The following ARHGAP39 variants were observed in gnomAD, a reference collection of about 807,000 sequenced individuals.
ARHGAP39 encodes the protein rho GTPase-activating protein 39.
In ARHGAP39, 44 loss-of-function variants were observed where a neutral mutation model predicts 106.9. The ratio of observed to expected loss-of-function variants is 0.41; its 90% CI spans 0.32 to 0.53. The LOEUF (loss-of-function observed/expected upper bound fraction) is 0.53, where lower values mean the gene tolerates loss of function less well. Among genes scored for constraint, ARHGAP39 ranks in the 20% least tolerant of loss-of-function variants. The probability of loss-of-function intolerance (pLI) is 0.21; values close to 1 mark genes in which losing one functional copy is unlikely to be tolerated. For missense variants in ARHGAP39, 1,496 were observed against 1,577.3 expected (o/e 0.95, Z 0.87); for synonymous variants, 768 against 693.2 (o/e 1.11, Z -1.69).
intron 1 of ARHGAP39, among the ~76,000 whole-genome samples, chr8:144,637,803 T>C (rs1297523853): frequency 6.6e-6 from 1 of 151,820 alleles, no homozygotes; most frequent in Admixed American, 6.6e-5. Context: ...TGGGCTCAAG[T>C]GACCCTCCTG....
At chr8:144,577,177 T>C (rs1818808171) in intron 3 of ARHGAP39, among the ~76,000 whole-genome samples, 1 of 152,192 alleles carries the variant, frequency 6.6e-6, no homozygotes, top group Non-Finnish European at 1.5e-5. Context: ...ATGAGATTGC[T>C]CACGTGGGTT....
intron 1 of ARHGAP39, among the ~76,000 whole-genome samples, chr8:144,658,811 T>C (rs1821757361): frequency 2.6e-5 from 4 of 152,166 alleles, no homozygotes; most frequent in Admixed American, 2.6e-4. Context: ...TAAAACTATA[T>C]TCATAGACAA....
chr8:144,602,823 T>G (rs1820093327), intron 2 of ARHGAP39, among the ~76,000 whole-genome samples: 1 of 132,308 alleles, frequency 7.6e-6, no homozygotes, highest in African/African-American at 2.9e-5. Flanking sequence ...TGTGTGCTCG[T>G]GTACCTGTGT....
At chr8:144,569,737 A>G (rs1818520541) in intron 3 of ARHGAP39, among the ~76,000 whole-genome samples, 1 of 152,244 alleles carries the variant, frequency 6.6e-6, no homozygotes, top group Non-Finnish European at 1.5e-5. Flanking sequence ...TACATACATC[A>G]AGACTTATCA....
chr8:144,563,357 T>A (rs1818275225), intron 3 of ARHGAP39, among the ~76,000 whole-genome samples: 1 of 152,184 alleles, frequency 6.6e-6, no homozygotes, highest in Admixed American at 6.5e-5. Flanking sequence ...TGATAAATAT[T>A]CTCACTTTCC....
Position 144,548,367 on chromosome 8 carries a change from A to T in ARHGAP39, c.719T>A (p.Val240Asp), listed in dbSNP as rs769846847. 1.3e-4 allele frequency: 214 copies of T among 1,608,144 alleles called. 1 individual carries two copies. Among genetic ancestry groups the T allele is most frequent in the Non-Finnish European group, 1.8e-4 (207 of 1,177,720 alleles). ...NGYAPDGPPG[V>D]RSRRPSGSQH... Reference sequence around the variant, plus strand: ...GCTGCCGGAGGGTCTGCGGGAGCGGACCCCAGGTGGGCCGTCTGGGGCGTA... The same window carrying T: ...GCTGCCGGAGGGTCTGCGGGAGCGGTCCCCAGGTGGGCCGTCTGGGGCGTA... Residue 240 changes from valine to aspartate, a missense_variant, in exon 5 of 12, where the codon GTC becomes GAC. Around this residue, in one of 4 missense-constraint regions of ARHGAP39, gnomAD observed 905 missense variants for 816.4 expected, o/e 1.11. Transcript: ENST00000377307. This position sits in a 1 kb window ranked among gnomAD's most constrained non-coding sequence, Gnocchi z 7.4.
chr8:144,546,640 G>A (rs1227369580), intron 5 of ARHGAP39, among the ~76,000 whole-genome samples: 4 of 152,224 alleles, frequency 2.6e-5, no homozygotes, highest in Admixed American at 2.0e-4. Flanking sequence ...CGTGCCAGAG[G>A]CCCCAGGCTG....
At chr8:144,656,194 G>GAAAAAAAAAA in intron 1 of ARHGAP39, among the ~76,000 whole-genome samples, 1 of 103,590 alleles carries the variant, frequency 9.7e-6, no homozygotes, top group African/African-American at 3.2e-5. Flanking sequence ...AGCAAATAAG[G>GAAAAAAAAAA]AAAAAAAAAA....
chr8:144,547,037 C>A lies in ARHGAP39; in HGVS notation c.1959+90G>T, dbSNP rs187175887. The A allele has an allele frequency of 1.4e-6, 2 of 1,418,032 alleles. No homozygotes were observed. The highest frequency in any genetic ancestry group is 2.5e-5 in the East Asian group (1 of 39,948). The allele number at this position is 1,418,032 out of a possible 1,614,324, so 87.8% of individuals were successfully genotyped here. ...CTGCGTGCTGCGTGCACGCCCTGGA[C>A]GCCAGGTCTCCTGTGCCTGGCCCAC... On this transcript the variant is annotated intron_variant, in intron 5 of 11. Coordinates refer to ENST00000377307, the MANE Select transcript of ARHGAP39 (RefSeq NM_025251.3). This position sits in a 1 kb window ranked among gnomAD's most constrained non-coding sequence, Gnocchi z 5.2.
chr8:144,660,637 C>T lies in ARHGAP39; in HGVS notation c.-82+25049G>A, dbSNP rs193199740. Among the ~76,000 whole-genome samples the T allele has an allele frequency of 3.2e-4, 49 of 152,288 alleles. 1 individual carries two copies. The highest frequency in any genetic ancestry group is 2.7e-3 in the Admixed American group (41 of 15,298). ...CAGGATCTTGGCCCAGACTGACTTC[C>T]TACTTCTGCTCTGTTCCAATAAAAA... On this transcript the variant is annotated intron_variant, in intron 1 of 11. Coordinates refer to ENST00000377307, the MANE Select transcript of ARHGAP39 (RefSeq NM_025251.3).
intron 3 of ARHGAP39, 132 bp downstream of exon 3, chr8:144,580,713 TA>T: frequency 9.2e-7 from 1 of 1,092,156 alleles, no homozygotes; most frequent in Non-Finnish European, 1.2e-6. Flanking sequence ...GACCTACTCC[TA>T]ACCTGGCCCC....
chr8:144,534,048 G>T (rs993619651), intron 8 of ARHGAP39, 81 bp downstream of exon 8: 46 of 1,507,396 alleles, frequency 3.1e-5, no homozygotes, highest in Non-Finnish European at 4.2e-5. Flanking sequence ...ATACCAAACT[G>T]CAGGCGGGGC....
chr8:144,581,211 A>G lies in ARHGAP39; in HGVS notation c.147T>C (p.Gly49=), dbSNP rs1818975914. The G allele has an allele frequency of 5.8e-6, 9 of 1,556,414 alleles. No homozygotes were observed. The East Asian group carries it at 2.2e-4, about 37-fold the overall frequency. ...CGGCCGGCGGGTCCCACACGCACTC[A>G]CCGGTGACCAGGTTGGCGTACATGC... ...RERMYANLVT[G]ECVWDPPAGV... is the part of the protein sequence containing the mutation. The change falls in exon 3 of 12, where the codon GGT becomes GGC. Residue 49 remains glycine (G), a synonymous_variant. Coordinates refer to ENST00000377307, the MANE Select transcript of ARHGAP39 (RefSeq NM_025251.3).
chr8:144,545,473 A>C lies in ARHGAP39; in HGVS notation c.2297T>G (p.Val766Gly). Residue 766 changes from valine (V) to glycine (G), a missense_variant, in exon 6 of 12, where the codon GTG (valine) becomes GGG (glycine). Val to Gly is a moderately radical substitution (Grantham distance 109, BLOSUM62 -3). Transcript: ENST00000377307. ...DRRAKADPLH[V>G]ALEVATKGWS... ...GCCCTTGGTGGCCACCTCCAGGGCC[A>C]CGTGCAGTGGGTCGGCCTTGGCCCG... 1 of 1,599,136 alleles carries C rather than the reference A, an allele frequency of 6.3e-7. No homozygotes were observed. Among genetic ancestry groups the C allele is most frequent in the African/African-American group, 1.3e-5 (1 of 74,776 alleles).
chr8:144,684,940 AGCCCTGCACCCGGGCC>A lies in ARHGAP39; in HGVS notation c.-82+730_-82+745del, dbSNP rs1822538772. On this transcript the variant is annotated intron_variant, in intron 1 of 11. Transcript: ENST00000377307. The surrounding 1 kb of genome is among the most constrained non-coding windows in gnomAD (Gnocchi z 4.4). ...CCGAGGCTGCACCGCAGCGCACCGC[AGCCCTGCACCCGGGCC>A]GCCCTTCAGGACGCGGGCACCAGAC... Among the ~76,000 whole-genome samples, 2 of 152,198 alleles carry A rather than the reference AGCCCTGCACCCGGGCC, an allele frequency of 1.3e-5. No homozygotes were observed. The highest frequency in any genetic ancestry group is 1.5e-5 in the Non-Finnish European group (1 of 68,026).
At chr8:144,619,127 C>T (rs1172312204) in intron 1 of ARHGAP39, among the ~76,000 whole-genome samples, 2 of 152,220 alleles carry the variant, frequency 1.3e-5, no homozygotes, top group African/African-American at 2.4e-5. Flanking sequence ...CTCACATTGC[C>T]GGAAAGTTCC....
chr8:144,680,029 AC>A (rs1390998402), intron 1 of ARHGAP39, among the ~76,000 whole-genome samples: 1 of 152,148 alleles, frequency 6.6e-6, no homozygotes, highest in Non-Finnish European at 1.5e-5. Flanking sequence ...GAATTCAAAG[AC>A]CTTCTCATTA....
In ARHGAP39 at chr8:144,547,639, A is replaced by G. The variant is rs888041480; in HGVS notation, c.1447T>C (p.Ser483Pro). ...GTGCCCGGGGAGTAGCCTGTGGAGGACAGGGTGTCCTGCTGGCTGGACCAG... is the reference window on the plus strand; with the variant it reads ...GTGCCCGGGGAGTAGCCTGTGGAGGGCAGGGTGTCCTGCTGGCTGGACCAG... Reference protein sequence around the residue: ...MSWSSQQDTLSSTGYSPGTRK... With the variant: ...MSWSSQQDTLPSTGYSPGTRK... Residue 483 changes from serine to proline, a missense_variant, in exon 5 of 12, where the codon TCC (serine) becomes CCC (proline). Physicochemically the swap from Ser to Pro is moderately conservative, Grantham distance 74. Around this residue, in one of 4 missense-constraint regions of ARHGAP39, gnomAD observed 905 missense variants for 816.4 expected, o/e 1.11. Transcript: ENST00000377307. The surrounding 1 kb of genome is among the most constrained non-coding windows in gnomAD (Gnocchi z 5.2). The G allele has an allele frequency of 2.7e-5, 41 of 1,530,138 alleles. No homozygotes were observed. Among genetic ancestry groups the G allele is most frequent in the African/African-American group, 9.5e-5 (7 of 73,304 alleles). The allele number at this position is 1,530,138 out of a possible 1,614,324, so 94.8% of individuals were successfully genotyped here.
At chr8:144,673,138 G>A (rs2958503) in intron 1 of ARHGAP39, among the ~76,000 whole-genome samples, 50 of 151,980 alleles carry the variant, frequency 3.3e-4, no homozygotes, top group Non-Finnish European at 6.5e-4. Flanking sequence ...GATCGCTTGA[G>A]CCCAGGAGGT....
Sources: allele counts gnomAD v4.1 joint callset (sites outside exome capture counted in the v4.1 genomes callset), GRCh38; gene constraint gnomAD v4.1.1; regional missense constraint gnomAD v4.1.1; non-coding constraint Gnocchi (gnomAD v3.1); transcripts MANE v1.5; gene names NCBI Gene and HGNC (gene_info 2026-07-23, HGNC 2026-07-21).